Variants in ALK observed in about 807,000 individuals in gnomAD.
ALK encodes the protein ALK tyrosine kinase receptor.
In ALK, 74 loss-of-function variants were observed where a neutral mutation model predicts 163.1. That is an observed-to-expected ratio of 0.45 (90% confidence interval 0.38 to 0.55). ALK has a LOEUF of 0.55. ALK is among the 20% of genes least tolerant of loss of function. ALK has a pLI of 0.00. For missense variants in ALK, 2,063 were observed against 2,105.3 expected, an observed-to-expected ratio of 0.98 and a Z score of 0.39; for synonymous variants, 960 against 843.2, an observed-to-expected ratio of 1.14 and a Z score of -2.40.
chr2:29,364,803 T>C (rs1320061287), intron 5 of ALK, among the ~76,000 whole-genome samples: 1 of 152,204 alleles, frequency 6.6e-6, no homozygotes, highest in African/African-American at 2.4e-5. Context: ...CCCATCTTTA[T>C]GATGCACATA....
intron 8 of ALK, among the ~76,000 whole-genome samples, chr2:29,298,732 TC>T (rs1292961491): frequency 1.3e-5 from 2 of 152,206 alleles, no homozygotes; most frequent in Non-Finnish European, 2.9e-5. Context: ...TCTCCTTCAG[TC>T]CCCTTCTCTC....
chr2:29,545,735 G>A (rs143834590), intron 3 of ALK, among the ~76,000 whole-genome samples: 21 of 152,254 alleles, frequency 1.4e-4, no homozygotes, highest in Non-Finnish European at 1.6e-4. Flanking sequence ...ACCTTCATTC[G>A]GAAGCACTTT....
In ALK at chr2:29,605,230, C is replaced by T. The variant is rs188404706; in HGVS notation, c.953-73114G>A. On this transcript the variant is annotated intron_variant, in intron 3 of 28. Transcript: ENST00000389048. ...AATGTGCGGTGCACGATAGGGTTCACGCTTCTATGAGAATTTAATGCCACC... is the reference window on the plus strand; with the variant it reads ...AATGTGCGGTGCACGATAGGGTTCATGCTTCTATGAGAATTTAATGCCACC... Among the ~76,000 whole-genome samples, 46 of 152,276 alleles carry T rather than the reference C, an allele frequency of 3.0e-4. No individual in the cohort carries two copies. In the East Asian group the frequency reaches 8.1e-3, roughly 27 times the overall value.
intron 4 of ALK, among the ~76,000 whole-genome samples, chr2:29,413,001 G>A (rs1227878565): frequency 6.6e-6 from 1 of 152,184 alleles, no homozygotes; most frequent in Admixed American, 6.5e-5. Context: ...TAGCTATGGT[G>A]GCATGTGACA....
At chr2:29,839,155 A>G (rs1665637721) in intron 1 of ALK, among the ~76,000 whole-genome samples, 1 of 152,020 alleles carries the variant, frequency 6.6e-6, no homozygotes, top group Non-Finnish European at 1.5e-5. Context: ...AACCATTTCC[A>G]CCTTAGTGCA....
At chr2:29,754,031 G>GA (rs201778734) in intron 1 of ALK, among the ~76,000 whole-genome samples, 23 of 149,810 alleles carry the variant, frequency 1.5e-4, no homozygotes, top group Admixed American at 5.3e-4. Context: ...GTGGATGTTG[G>GA]AAAAAAAAAA....
In ALK at chr2:29,746,800, T is replaced by A. The variant is rs547378601; in HGVS notation, c.668-29103A>T. On this transcript the variant is annotated intron_variant, in intron 1 of 28. Transcript: ENST00000389048. ...TCATGTTTTCTATCAGTCCATTGTG[T>A]TTGAACCATATGCCTAGTGTCTTTT... 7.2e-5 allele frequency among the ~76,000 whole-genome samples: 11 copies of A among 152,356 alleles called. No homozygotes were observed. The East Asian group carries it at 1.9e-3, about 27-fold the overall frequency.
intron 1 of ALK, among the ~76,000 whole-genome samples, chr2:29,860,453 A>G (rs182026414): frequency 6.6e-5 from 10 of 152,248 alleles, no homozygotes; most frequent in Admixed American, 6.5e-4. Flanking sequence ...AATAGCAATT[A>G]TCAAGATTTC....
chr2:29,773,045 A>C (rs1390361798), intron 1 of ALK, among the ~76,000 whole-genome samples: 1 of 152,244 alleles, frequency 6.6e-6, no homozygotes, highest in Non-Finnish European at 1.5e-5. Context: ...CAAAAACACC[A>C]ACCAACATTG....
intron 12 of ALK, among the ~76,000 whole-genome samples, chr2:29,247,568 C>T (rs1664714202): frequency 6.6e-6 from 1 of 152,208 alleles, no homozygotes; most frequent in Non-Finnish European, 1.5e-5. Flanking sequence ...TCTTTCTGGG[C>T]CTCTTCCTTT....
At chr2:29,610,225 C>T (rs2148220915) in intron 3 of ALK, among the ~76,000 whole-genome samples, 1 of 152,252 alleles carries the variant, frequency 6.6e-6, no homozygotes, top group African/African-American at 2.4e-5. Flanking sequence ...GCGACAGTTG[C>T]CATTACCAGC....
At chr2:29,743,550 G>C (rs1298775348) in intron 1 of ALK, among the ~76,000 whole-genome samples, 1 of 152,240 alleles carries the variant, frequency 6.6e-6, no homozygotes, top group Non-Finnish European at 1.5e-5. Context: ...TGTCATTAGT[G>C]AGCCCCTGAG....
chr2:29,215,843 C>A lies in ALK; in HGVS notation c.3646-1762G>T, dbSNP rs540453106. Among the ~76,000 whole-genome samples the A allele has an allele frequency of 2.0e-5, 3 of 152,330 alleles. No individual in the cohort carries two copies. The East Asian group carries it at 5.8e-4, about 29-fold the overall frequency. On this transcript the variant is annotated intron_variant, in intron 23 of 28. Coordinates refer to ENST00000389048, the MANE Select transcript of ALK (RefSeq NM_004304.5). ...CTCTTCCAGGCCATGTAGTCTGGGG[C>A]TGGCTGCTCAGCCTCTCAGAGCCAG...
chr2:29,210,879 T>C (rs1229076101), intron 24 of ALK, among the ~76,000 whole-genome samples: 3 of 152,196 alleles, frequency 2.0e-5, no homozygotes, highest in Non-Finnish European at 1.5e-5. Flanking sequence ...GGTCAACCGC[T>C]GTCCAAGACT....
chr2:29,718,753 G>A (rs1159844067), intron 1 of ALK, among the ~76,000 whole-genome samples: 2 of 152,184 alleles, frequency 1.3e-5, no homozygotes, highest in Non-Finnish European at 1.5e-5. Flanking sequence ...CTGAGCCCAG[G>A]TTTGCCTCAT....
chr2:29,645,212 G>T (rs1303885804), intron 3 of ALK, among the ~76,000 whole-genome samples: 2 of 152,096 alleles, frequency 1.3e-5, no homozygotes, highest in Non-Finnish European at 2.9e-5. Context: ...CTCAGTTTTG[G>T]GAAATTATCA....
chr2:29,353,817 G>A (rs1163389620), intron 5 of ALK, among the ~76,000 whole-genome samples: 2 of 152,174 alleles, frequency 1.3e-5, no homozygotes, highest in Non-Finnish European at 2.9e-5. Flanking sequence ...AAAAGTGGCA[G>A]TTTCACATGA....
At chr2:29,678,489 GTTTTA>G (rs1677961107) in intron 3 of ALK, among the ~76,000 whole-genome samples, 1 of 150,982 alleles carries the variant, frequency 6.6e-6, no homozygotes, top group Non-Finnish European at 1.5e-5. Flanking sequence ...GTTTTAATAT[GTTTTA>G]TTTTAATTTT....
chr2:29,916,089 T>C (rs369408670), intron 1 of ALK, among the ~76,000 whole-genome samples: 3 of 152,242 alleles, frequency 2.0e-5, no homozygotes, highest in African/African-American at 7.2e-5. Context: ...TGTCCTGTTG[T>C]AGCTTCTCAA....
Sources: allele counts gnomAD v4.1 joint callset (sites outside exome capture counted in the v4.1 genomes callset), GRCh38; gene constraint gnomAD v4.1.1; transcripts MANE v1.5; gene names NCBI Gene and HGNC (gene_info 2026-07-23, HGNC 2026-07-21).